RNF150: variants seen among roughly 807,000 people sequenced by gnomAD.
RNF150 encodes the protein ring finger protein 150.
Under a neutral mutation model 39.3 loss-of-function variants are expected in RNF150, and 24 were observed. The ratio of observed to expected loss-of-function variants is 0.61; its 90% CI spans 0.44 to 0.86. RNF150 has a LOEUF of 0.86. RNF150 is among the 40% of genes least tolerant of loss of function. RNF150 has a pLI of 0.00. For synonymous variants in RNF150, 255 were observed against 227.3 expected (o/e 1.12, Z -1.10); for missense variants, 502 against 587.8 (o/e 0.85, Z 1.51).
chr4:141,065,458 C>A (rs1737416949), intron 1 of RNF150, among the ~76,000 whole-genome samples: 1 of 152,082 alleles, frequency 6.6e-6, no homozygotes, highest in Non-Finnish European at 1.5e-5. Flanking sequence ...AAAAATCCTC[C>A]TATTTGTAAT....
At chr4:141,165,268 C>T (rs1727581410) in intron 1 of RNF150, among the ~76,000 whole-genome samples, 3 of 152,144 alleles carry the variant, frequency 2.0e-5, no homozygotes, top group Non-Finnish European at 4.4e-5. Context: ...TATATATGCA[C>T]CCAGTACAGG....
chr4:140,877,609 G>A lies in RNF150; in HGVS notation c.1199-9230C>T, dbSNP rs78260674. 5.9e-3 allele frequency among the ~76,000 whole-genome samples: 906 copies of A among 152,322 alleles called. 13 individuals carry two copies. The highest frequency in any genetic ancestry group is 0.019 in the African/African-American group (807 of 41,562). ...GTATTAGGTACACAGCACTGCTGAT[G>A]AGCAGTGTGGAGAAAAGAAAGATGA... On this transcript the variant is annotated intron_variant, in intron 6 of 6. Coordinates refer to ENST00000515673, the MANE Select transcript of RNF150 (RefSeq NM_020724.2).
At chr4:141,212,652 A>G (rs2321865) in intron 1 of RNF150, 33,417 of 152,082 alleles carry the variant, frequency 0.22, 3,919 homozygotes, top group South Asian at 0.32. Flanking sequence ...TCCCAGCTTT[A>G]TGCAAGAGTC....
chr4:141,084,491 T>C (rs747250171), intron 1 of RNF150, among the ~76,000 whole-genome samples: 1 of 152,206 alleles, frequency 6.6e-6, no homozygotes, highest in Non-Finnish European at 1.5e-5. Flanking sequence ...AGTATTAAAT[T>C]ATGTCAACCA....
chr4:140,981,774 A>G (rs999532225), intron 1 of RNF150, among the ~76,000 whole-genome samples: 16 of 152,178 alleles, frequency 1.1e-4, no homozygotes, highest in Admixed American at 3.9e-4. Flanking sequence ...GGTGAGACAG[A>G]ATATCACAAG....
rs1736779595 is a variant in RNF150 at position 141,051,616 on chromosome 4, A to G, written c.484+80709T>C. 3.3e-5 allele frequency among the ~76,000 whole-genome samples: 5 copies of G among 152,240 alleles called. 1 individual carries two copies. In the South Asian group the frequency reaches 1.0e-3, roughly 32 times the overall value. ...AGTCTCTTTGCTAAAAATTAACAAG[A>G]GGCACCTTTGCTCCAGTTCTCAACA... On this transcript the variant is annotated intron_variant, in intron 1 of 6. Coordinates refer to ENST00000515673, the MANE Select transcript of RNF150 (RefSeq NM_020724.2).
At chr4:141,048,037 T>C (rs940871571) in intron 1 of RNF150, among the ~76,000 whole-genome samples, 5 of 152,128 alleles carry the variant, frequency 3.3e-5, no homozygotes, top group Admixed American at 2.6e-4. Flanking sequence ...AGAGAATCAG[T>C]AGCAGACCAA....
chr4:140,910,184 T>TAA (rs1362037837), intron 6 of RNF150, among the ~76,000 whole-genome samples: 1 of 152,190 alleles, frequency 6.6e-6, no homozygotes, highest in Non-Finnish European at 1.5e-5. Context: ...CACAAATATG[T>TAA]AAAAGAAAGA....
At chr4:141,098,239 A>G (rs907309644) in intron 1 of RNF150, among the ~76,000 whole-genome samples, 11 of 152,324 alleles carry the variant, frequency 7.2e-5, no homozygotes, top group Middle Eastern at 3.4e-3. Flanking sequence ...GATAAGCAGA[A>G]GCAACCCAAA....
intron 1 of RNF150, among the ~76,000 whole-genome samples, chr4:141,203,354 T>A (rs1728321052): frequency 6.6e-6 from 1 of 151,012 alleles, no homozygotes; most frequent in African/African-American, 2.4e-5. Context: ...AGATATATAA[T>A]CTTGGAGATG....
intron 1 of RNF150, among the ~76,000 whole-genome samples, chr4:141,064,243 T>C (rs1405176518): frequency 6.6e-6 from 1 of 152,202 alleles, no homozygotes; most frequent in Non-Finnish European, 1.5e-5. Flanking sequence ...ACAAAGCTAG[T>C]AAATGGCAAA....
At chr4:141,148,364 C>T (rs1578766993) in intron 1 of RNF150, among the ~76,000 whole-genome samples, 1 of 152,156 alleles carries the variant, frequency 6.6e-6, no homozygotes, top group East Asian at 1.9e-4. Flanking sequence ...ATATGGTAGA[C>T]TTGTGAGCAA....
At position 141,132,965 on chromosome 4, in the gene RNF150, A is replaced by T. The variant is rs954115243; in HGVS notation, c.-157T>A. On this transcript the variant is annotated 5_prime_UTR_variant, in exon 1 of 7. Coordinates refer to ENST00000515673, the MANE Select transcript of RNF150 (RefSeq NM_020724.2). This position sits in a 1 kb window ranked among gnomAD's most constrained non-coding sequence, Gnocchi z 4.9. ...GCCGGGACGCGCAGCCGCCGCGGGGACCGGATTCCGGGCGAGCGGATGGCG... is the reference window on the plus strand; with the variant it reads ...GCCGGGACGCGCAGCCGCCGCGGGGTCCGGATTCCGGGCGAGCGGATGGCG... 6.8e-6 allele frequency: 4 copies of T among 589,484 alleles called. No individual in the cohort carries two copies. Among genetic ancestry groups the T allele is most frequent in the African/African-American group, 2.0e-5 (1 of 49,400 alleles). The allele number at this position is 589,484 out of a possible 1,614,324, so 36.5% of individuals were successfully genotyped here. A position where few individuals can be genotyped will look rare whatever the true frequency, so the allele number is the denominator to read the frequency against.
chr4:140,978,083 G>C (rs970104065), intron 1 of RNF150, among the ~76,000 whole-genome samples: 2 of 152,146 alleles, frequency 1.3e-5, no homozygotes, highest in Non-Finnish European at 1.5e-5. Flanking sequence ...TTAGGAGTTT[G>C]AAAATGTATC....
chr4:140,924,122 T>TA (rs943198400), intron 5 of RNF150, among the ~76,000 whole-genome samples: 1 of 151,500 alleles, frequency 6.6e-6, no homozygotes, highest in Non-Finnish European at 1.5e-5. Context: ...AAAGTATAAT[T>TA]AAAAAAAAAT....
intron 1 of RNF150, among the ~76,000 whole-genome samples, chr4:140,981,551 T>C (rs1037650131): frequency 2.6e-5 from 4 of 152,132 alleles, no homozygotes; most frequent in Non-Finnish European, 5.9e-5. Flanking sequence ...TTAATACTTA[T>C]TCACACATAG....
intron 1 of RNF150, among the ~76,000 whole-genome samples, chr4:141,072,383 G>A (rs535853662): frequency 6.6e-6 from 1 of 152,274 alleles, no homozygotes; most frequent in East Asian, 1.9e-4. Context: ...GGATAGTAGA[G>A]ACGTACAGAG....
intron 6 of RNF150, among the ~76,000 whole-genome samples, chr4:140,885,223 C>G (rs1188351308): frequency 3.6e-4 from 47 of 132,140 alleles, no homozygotes; most frequent in African/African-American, 1.2e-3. Context: ...TTTTTTGAGA[C>G]AGAGGCTTGC....
At chr4:141,072,043 G>A (rs564808722) in intron 1 of RNF150, among the ~76,000 whole-genome samples, 1 of 152,284 alleles carries the variant, frequency 6.6e-6, no homozygotes, top group South Asian at 2.1e-4. Flanking sequence ...GATGCACTAG[G>A]TCTGGGGCCT....
Sources: allele counts gnomAD v4.1 joint callset (sites outside exome capture counted in the v4.1 genomes callset), GRCh38; gene constraint gnomAD v4.1.1; non-coding constraint Gnocchi (gnomAD v3.1); transcripts MANE v1.5; gene names NCBI Gene and HGNC (gene_info 2026-07-23, HGNC 2026-07-21).